Variants in PTPRO observed in about 807,000 individuals in gnomAD.
PTPRO encodes protein tyrosine phosphatase receptor type O.
PTPRO carries 62 observed loss-of-function variants against 145.2 expected under a neutral mutation model. The observed-to-expected ratio is 0.43, with a 90% confidence interval of 0.35 to 0.53. The LOEUF (loss-of-function observed/expected upper bound fraction) is 0.53. PTPRO is among the 20% of genes least tolerant of loss of function. The pLI is 0.01. For missense variants in PTPRO, 1,345 were observed against 1,482.7 expected (o/e 0.91, Z 1.53); for synonymous variants, 565 against 514.7 (o/e 1.10, Z -1.32).
chr12:15,473,311 T>C (rs1000243756), intron 1 of PTPRO, among the ~76,000 whole-genome samples: 1 of 152,046 alleles, frequency 6.6e-6, no homozygotes, highest in African/African-American at 2.4e-5. Flanking sequence ...TGCTCACACC[T>C]AGCATGATGC....
intron 12 of PTPRO, among the ~76,000 whole-genome samples, chr12:15,527,175 G>A (rs531220978): frequency 1.3e-5 from 2 of 152,136 alleles, no homozygotes. Flanking sequence ...ACTCAAATAC[G>A]AGGATGCGAC....
intron 10 of PTPRO, among the ~76,000 whole-genome samples, chr12:15,523,117 C>T (rs945729133): frequency 2.0e-5 from 3 of 152,150 alleles, no homozygotes; most frequent in Non-Finnish European, 2.9e-5. Flanking sequence ...AAGTGCTACT[C>T]GTATTTCACA....
intron 1 of PTPRO, among the ~76,000 whole-genome samples, chr12:15,451,039 G>A (rs1472457641): frequency 6.6e-6 from 1 of 151,958 alleles, no homozygotes; most frequent in African/African-American, 2.4e-5. Flanking sequence ...GATACAGAAT[G>A]GCAGAATGGA....
intron 1 of PTPRO, among the ~76,000 whole-genome samples, chr12:15,330,285 T>C (rs1440325886): frequency 6.6e-6 from 1 of 152,160 alleles, no homozygotes; most frequent in African/African-American, 2.4e-5. Context: ...AGAGTGGCAA[T>C]GTTGAAAAAT....
intron 8 of PTPRO, 124 bp downstream of exon 8, chr12:15,515,742 G>T: frequency 1.6e-6 from 2 of 1,241,358 alleles, no homozygotes; most frequent in Non-Finnish European, 2.4e-6. Context: ...CATCCAATAT[G>T]CTACCTTCAG....
intron 1 of PTPRO, among the ~76,000 whole-genome samples, chr12:15,398,280 A>G (rs1220023220): frequency 6.6e-6 from 1 of 152,186 alleles, no homozygotes; most frequent in African/African-American, 2.4e-5. Context: ...ATCTCTTAAT[A>G]TAACTCCCCA....
At chr12:15,571,205 G>C (rs1378691705) in intron 19 of PTPRO, among the ~76,000 whole-genome samples, 2 of 152,138 alleles carry the variant, frequency 1.3e-5, no homozygotes, top group Non-Finnish European at 2.9e-5. Flanking sequence ...TGAACAAAGA[G>C]AAACAAAGAG....
At chr12:15,329,715 A>G (rs1866551991) in intron 1 of PTPRO, among the ~76,000 whole-genome samples, 1 of 152,216 alleles carries the variant, frequency 6.6e-6, no homozygotes, top group African/African-American at 2.4e-5. Flanking sequence ...GATAATACTC[A>G]GTTGAGTCCC....
At chr12:15,387,781 T>C (rs913731591) in intron 1 of PTPRO, among the ~76,000 whole-genome samples, 1 of 152,224 alleles carries the variant, frequency 6.6e-6, no homozygotes, top group Non-Finnish European at 1.5e-5. Flanking sequence ...AACATTAATA[T>C]TTTAATATGT....
chr12:15,504,706 A>C (rs1942287489), intron 6 of PTPRO, among the ~76,000 whole-genome samples: 1 of 152,232 alleles, frequency 6.6e-6, no homozygotes, highest in Non-Finnish European at 1.5e-5. Flanking sequence ...GTCAAAAATC[A>C]GTAACCTACC....
At chr12:15,545,263 C>T (rs1307769541) in intron 12 of PTPRO, among the ~76,000 whole-genome samples, 2 of 151,634 alleles carry the variant, frequency 1.3e-5, no homozygotes, top group African/African-American at 4.8e-5. Context: ...CAGGAAGAAA[C>T]CTACAACAGT....
At chr12:15,529,771 A>G (rs1224241943) in intron 12 of PTPRO, among the ~76,000 whole-genome samples, 1 of 152,238 alleles carries the variant, frequency 6.6e-6, no homozygotes, top group African/African-American at 2.4e-5. Context: ...ACAAATTAAT[A>G]CATAACACTT....
intron 25 of PTPRO, among the ~76,000 whole-genome samples, chr12:15,592,080 CTG>C: frequency 6.6e-6 from 1 of 152,060 alleles, no homozygotes; most frequent in African/African-American, 2.4e-5. Context: ...AGTTATTTAT[CTG>C]TGTCTTTTTT....
rs766004195 is a variant in PTPRO, at chr12:15,578,954, C to T, written c.2920+11C>T. 1 of 1,542,526 alleles carries T rather than the reference C, an allele frequency of 6.5e-7. No individual in the cohort carries two copies. Among genetic ancestry groups the T allele is most frequent in the Non-Finnish European group, 9.0e-7 (1 of 1,115,058 alleles). ...CAAACATCCTACCATGTAAGATCGTCAATTGTGCCAATAACACTCATGTCT... is the reference window on the plus strand; with the variant it reads ...CAAACATCCTACCATGTAAGATCGTTAATTGTGCCAATAACACTCATGTCT... On this transcript the variant is annotated intron_variant, in intron 20 of 26. Coordinates refer to ENST00000281171, the MANE Select transcript of PTPRO (RefSeq NM_030667.3).
At chr12:15,586,553 T>A (rs1251894439) in intron 23 of PTPRO, among the ~76,000 whole-genome samples, 3 of 152,202 alleles carry the variant, frequency 2.0e-5, no homozygotes, top group Non-Finnish European at 4.4e-5. Context: ...AAAGTGTATC[T>A]AAAGGGCACC....
At chr12:15,576,707 T>C (rs1944193693) in intron 19 of PTPRO, among the ~76,000 whole-genome samples, 1 of 152,240 alleles carries the variant, frequency 6.6e-6, no homozygotes, top group South Asian at 2.1e-4. Context: ...TTTGTTGAGT[T>C]AAATTATTCC....
At chr12:15,436,528 A>G (rs1940598995) in intron 1 of PTPRO, among the ~76,000 whole-genome samples, 1 of 152,170 alleles carries the variant, frequency 6.6e-6, no homozygotes, top group Non-Finnish European at 1.5e-5. Flanking sequence ...TTACCTTTCC[A>G]CTGGAGATCC....
intron 1 of PTPRO, among the ~76,000 whole-genome samples, chr12:15,399,918 G>T (rs1388688350): frequency 1.3e-5 from 2 of 150,994 alleles, no homozygotes; most frequent in African/African-American, 4.9e-5. Context: ...GGGCGTGTTG[G>T]CGCATACCTG....
At chr12:15,571,504 T>C (rs750935314) in intron 19 of PTPRO, among the ~76,000 whole-genome samples, 4 of 152,172 alleles carry the variant, frequency 2.6e-5, no homozygotes, top group Non-Finnish European at 5.9e-5. Context: ...ACTAGTCTGG[T>C]CTCGAACTCC....
Sources: gnomAD v4.1 joint callset for allele counts (sites outside exome capture counted in the v4.1 genomes callset) on GRCh38, gnomAD v4.1.1 for gene constraint, MANE v1.5 for transcripts, NCBI Gene and HGNC (gene_info 2026-07-23, HGNC 2026-07-21) for gene names.